Variants in CCDC138 observed in about 807,000 individuals in gnomAD.
The protein encoded by CCDC138 is coiled-coil domain-containing protein 138.
In CCDC138, 66 loss-of-function variants were observed where a neutral mutation model predicts 82.3. The observed-to-expected ratio is 0.80, with a 90% confidence interval of 0.66 to 0.98. The LOEUF (loss-of-function observed/expected upper bound fraction) is 0.98, where lower values mean the gene tolerates loss of function less well. CCDC138 is among the 50% of genes least tolerant of loss of function. CCDC138 has a pLI of 0.00. For missense variants in CCDC138, 816 were observed against 758.9 expected (o/e 1.08, Z -0.88); for synonymous variants, 297 against 265.4 (o/e 1.12, Z -1.16).
downstream of CCDC138, among the ~76,000 whole-genome samples, chr2:108,877,678 GAAGAA>G: frequency 6.6e-6 from 1 of 152,230 alleles, no homozygotes; most frequent in African/African-American, 2.4e-5. Context: ...TGGTGTCTCT[GAAGAA>G]AAGAACAGAA....
In CCDC138 at chr2:108,791,740, A is replaced by C. The variant is rs371532180; in HGVS notation, c.332A>C (p.Glu111Ala). Residue 111 changes from glutamate (E) to alanine (A), a missense_variant, in exon 4 of 15, where the codon GAA (glutamate) becomes GCA (alanine). Physicochemically the swap from Glu to Ala is moderately radical, Grantham distance 107. Coordinates refer to ENST00000295124, the MANE Select transcript of CCDC138 (RefSeq NM_144978.3). ...CAGGAAACAGAAGAAGAGTTAATTG[A>C]AAATGATTATAGAGTTAGTACCTCG... ...KKQETEEELI[E>A]NDYRVSTSKI... 8.7e-6 allele frequency: 14 copies of C among 1,606,004 alleles called. No individual in the cohort carries two copies. The highest frequency in any genetic ancestry group is 1.7e-4 in the Middle Eastern group (1 of 6,050).
At chr2:108,869,052 T>A (rs918381283) in intron 13 of CCDC138, among the ~76,000 whole-genome samples, 4 of 151,840 alleles carry the variant, frequency 2.6e-5, no homozygotes, top group East Asian at 1.9e-4. Context: ...TTGAAGAAAA[T>A]TTTTTTTTCA....
At chr2:108,846,658 C>A in intron 11 of CCDC138, 80 bp from the exon 12 acceptor site, 1 of 1,273,812 alleles carries the variant, frequency 7.9e-7, no homozygotes, top group Non-Finnish European at 1.1e-6. Context: ...ACCTGGGCAA[C>A]AGAGCAAGAC....
chr2:108,864,450 C>G (rs1694093505), intron 13 of CCDC138, among the ~76,000 whole-genome samples: 3 of 152,078 alleles, frequency 2.0e-5, no homozygotes, highest in Admixed American at 1.3e-4. Context: ...ACTGCTTGAT[C>G]CCAGGAGTTT....
intron 14 of CCDC138, 115 bp from the exon 15 acceptor site, chr2:108,875,973 G>T: frequency 1.6e-6 from 1 of 631,426 alleles, no homozygotes; most frequent in African/African-American, 1.8e-5. Flanking sequence ...TTTCTCCACT[G>T]TTTTTAAAAA....
At chr2:108,810,827 G>A (rs575790816) in intron 7 of CCDC138, among the ~76,000 whole-genome samples, 17 of 152,286 alleles carry the variant, frequency 1.1e-4, no homozygotes, top group Non-Finnish European at 2.1e-4. Context: ...GCTTTTCTTT[G>A]TTGGGAAACT....
downstream of CCDC138, among the ~76,000 whole-genome samples, chr2:108,881,004 C>T (rs970593939): frequency 1.3e-5 from 2 of 152,180 alleles, no homozygotes; most frequent in South Asian, 4.1e-4. Flanking sequence ...CCAATACTCA[C>T]GAATGACTTT....
At chr2:108,818,148 A>G (rs557452538) in intron 10 of CCDC138, among the ~76,000 whole-genome samples, 3 of 152,266 alleles carry the variant, frequency 2.0e-5, no homozygotes, top group African/African-American at 7.2e-5. Context: ...TCTACAAAAA[A>G]TACAAAAGTT....
chr2:108,812,673 G>A lies in CCDC138; in HGVS notation c.898G>A (p.Ala300Thr). ...AGAAAACAGGAAGATAGACATTCAG[G>A]CTAAAAGAGTTCAAGCTCGTTTAGA... is the stretch of plus-strand genomic sequence containing the variant. ...SEENRKIDIQ[A>T]KRVQARLDNL... Residue 300 changes from alanine (A) to threonine (T), a missense_variant, in exon 8 of 15, where the codon GCT becomes ACT. Coordinates refer to ENST00000295124, the MANE Select transcript of CCDC138 (RefSeq NM_144978.3). 1.2e-6 allele frequency: 2 copies of A among 1,612,942 alleles called. No individual in the cohort carries two copies. The highest frequency in any genetic ancestry group is 2.2e-5 in the South Asian group (2 of 91,044).
At chr2:108,813,045 C>A (rs914463600) in intron 9 of CCDC138, 118 bp downstream of exon 9, 1 of 719,864 alleles carries the variant, frequency 1.4e-6, no homozygotes, top group Non-Finnish European at 2.3e-6. Flanking sequence ...GTCAGGAGAT[C>A]GAGACCATCC....
intron 12 of CCDC138, among the ~76,000 whole-genome samples, chr2:108,849,352 A>G (rs1691032104): frequency 6.6e-6 from 1 of 152,204 alleles, no homozygotes; most frequent in South Asian, 2.1e-4. Flanking sequence ...CACAAATCCA[A>G]GGAGCATGTC....
In CCDC138 at chr2:108,798,574, A is replaced by G. The variant is rs764578928; in HGVS notation, c.723A>G (p.Gln241=). 18 of 1,608,002 alleles carry G rather than the reference A, an allele frequency of 1.1e-5. No individual in the cohort carries two copies. The highest frequency in any genetic ancestry group is 1.7e-5 in the Admixed American group (1 of 58,716). Residue 241 remains glutamine, a synonymous_variant, in exon 6 of 15, where the codon CAA becomes CAG. Transcript: ENST00000295124. ...GVEEEVLTRF[Q]IIKEQHDAEV... The stretch of plus-strand genomic sequence containing the variant: ...AAGAAGAGGTTCTTACAAGATTTCA[A>G]ATTATAAAAGAGGTAACTATATAGC...
At chr2:108,810,677 G>A (rs1411404562) in intron 7 of CCDC138, among the ~76,000 whole-genome samples, 1 of 152,168 alleles carries the variant, frequency 6.6e-6, no homozygotes, top group African/African-American at 2.4e-5. Flanking sequence ...TTTGTACAAT[G>A]AGTTTGGAAG....
chr2:108,875,147 T>C (rs1393690859), intron 14 of CCDC138, among the ~76,000 whole-genome samples: 2 of 151,724 alleles, frequency 1.3e-5, no homozygotes, highest in Middle Eastern at 3.2e-3. Flanking sequence ...CATAAGAGTT[T>C]GTATTAGGAC....
intron 13 of CCDC138, among the ~76,000 whole-genome samples, chr2:108,866,048 T>C (rs1375059773): frequency 6.6e-6 from 1 of 152,152 alleles, no homozygotes; most frequent in Non-Finnish European, 1.5e-5. Flanking sequence ...ACTATGGTAG[T>C]AGGGTATCTG....
At chr2:108,870,978 A>C (rs1293793696) in intron 13 of CCDC138, among the ~76,000 whole-genome samples, 1 of 152,226 alleles carries the variant, frequency 6.6e-6, no homozygotes, top group African/African-American at 2.4e-5. Context: ...CATATTTAAC[A>C]CCAATTTAAA....
chr2:108,871,370 TAAAAAAAA>T (rs59725353), intron 13 of CCDC138, among the ~76,000 whole-genome samples: 82 of 76,656 alleles, frequency 1.1e-3, no homozygotes, highest in Middle Eastern at 7.8e-3. Flanking sequence ...CCAACTCTAT[TAAAAAAAA>T]AAAAAAAAAA....
At chr2:108,822,206 G>A (rs1176250412) in intron 10 of CCDC138, among the ~76,000 whole-genome samples, 2 of 152,022 alleles carry the variant, frequency 1.3e-5, no homozygotes, top group Non-Finnish European at 2.9e-5. Context: ...ACTGTTACAA[G>A]AGACAAAGGA....
Position 108,846,767 on chromosome 2 carries a change from A to G in CCDC138, c.1353A>G (p.Arg451=). 3.1e-6 allele frequency: 5 copies of G among 1,612,496 alleles called. No homozygotes were observed. Among genetic ancestry groups the G allele is most frequent in the Non-Finnish European group, 4.2e-6 (5 of 1,178,956 alleles). The stretch of plus-strand genomic sequence containing the variant: ...CGACTATGACATCAACATTGAGGAG[A>G]TTGGGTGAAGACATTTTTAAAGGAG... The part of the protein sequence containing the change: ...QHSTMTSTLR[R]LGEDIFKGVV... The change falls in exon 12 of 15, where the codon AGA becomes AGG. Residue 451 remains arginine, a synonymous_variant. Transcript: ENST00000295124.
Sources: gnomAD v4.1 joint callset for allele counts (sites outside exome capture counted in the v4.1 genomes callset) on GRCh38, gnomAD v4.1.1 for gene constraint, MANE v1.5 for transcripts, NCBI Gene and HGNC (gene_info 2026-07-23, HGNC 2026-07-21) for gene names.